Variants in LRRC7 observed in about 807,000 individuals in gnomAD.
LRRC7 encodes leucine rich repeat containing 7.
Under a neutral mutation model 175.7 loss-of-function variants are expected in LRRC7, and 23 were observed. That is an observed-to-expected ratio of 0.13 (90% CI 0.09 to 0.19). LRRC7 has a LOEUF of 0.19. Ranked by LOEUF, LRRC7 falls within the 10% of genes least tolerant of loss-of-function variation. The probability of loss-of-function intolerance (pLI) is 1.00; values close to 1 mark genes in which losing one functional copy is unlikely to be tolerated. For synonymous variants in LRRC7, 685 were observed against 680.9 expected, an observed-to-expected ratio of 1.01 and a Z score of -0.09; for missense variants, 1,354 against 1,904.7, an observed-to-expected ratio of 0.71 and a Z score of 5.38.
chr1:69,782,738 G>T (rs1200662353), intron 3 of LRRC7, among the ~76,000 whole-genome samples: 1 of 151,896 alleles, frequency 6.6e-6, no homozygotes, highest in Non-Finnish European at 1.5e-5. Flanking sequence ...GGAGGAGATG[G>T]ACCTAATCAT....
At chr1:70,092,383 A>G (rs920182864) in intron 25 of LRRC7, among the ~76,000 whole-genome samples, 1 of 152,120 alleles carries the variant, frequency 6.6e-6, no homozygotes, top group African/African-American at 2.4e-5. Flanking sequence ...ACTCTCTTCA[A>G]ATAAATAAGT....
At chr1:69,996,113 G>A (rs1452522646) in intron 11 of LRRC7, among the ~76,000 whole-genome samples, 1 of 151,270 alleles carries the variant, frequency 6.6e-6, no homozygotes, top group Non-Finnish European at 1.5e-5. Flanking sequence ...GTGTGAGATG[G>A]TATCTCATTG....
chr1:69,608,062 T>A (rs1292131456), intron 1 of LRRC7: 1 of 152,822 alleles, frequency 6.5e-6, no homozygotes, highest in Non-Finnish European at 1.5e-5. Context: ...AACGTTCTTT[T>A]CTCATGTTGG....
chr1:69,632,276 C>T (rs1391227509), intron 1 of LRRC7, among the ~76,000 whole-genome samples: 4 of 152,092 alleles, frequency 2.6e-5, no homozygotes, highest in African/African-American at 9.7e-5. Context: ...ATTGTAGCTT[C>T]CACACTAGAC....
At chr1:70,093,423 G>A (rs1664171186) in intron 25 of LRRC7, among the ~76,000 whole-genome samples, 1 of 152,024 alleles carries the variant, frequency 6.6e-6, no homozygotes, top group Non-Finnish European at 1.5e-5. Context: ...ACTTGCCCAA[G>A]GTCATTTAGC....
intron 1 of LRRC7, among the ~76,000 whole-genome samples, chr1:69,591,467 A>G (rs1646631754): frequency 6.6e-6 from 1 of 151,988 alleles, no homozygotes; most frequent in South Asian, 2.1e-4. Context: ...GATACATCAC[A>G]CATACTTTGA....
At chr1:70,113,630 A>G (rs1229810787) in intron 26 of LRRC7, among the ~76,000 whole-genome samples, 1 of 152,158 alleles carries the variant, frequency 6.6e-6, no homozygotes. Flanking sequence ...AAGTAAAAGC[A>G]GATTGTACTT....
At chr1:69,788,385 C>G (rs1448055305) in intron 3 of LRRC7, among the ~76,000 whole-genome samples, 1 of 152,158 alleles carries the variant, frequency 6.6e-6, no homozygotes, top group African/African-American at 2.4e-5. Context: ...CAAAAGATTA[C>G]TCTTTAAATA....
At chr1:70,023,501 C>T in intron 17 of LRRC7, 127 bp downstream of exon 17, 1 of 1,022,120 alleles carries the variant, frequency 9.8e-7, no homozygotes, top group East Asian at 2.9e-5. Context: ...TTCAAATTGC[C>T]AGTGTTTTAT....
At chr1:69,666,274 C>T (rs1026963899) in intron 1 of LRRC7, among the ~76,000 whole-genome samples, 1 of 152,118 alleles carries the variant, frequency 6.6e-6, no homozygotes, top group African/African-American at 2.4e-5. Flanking sequence ...GTGATACTGG[C>T]TGATAGTTTT....
intron 26 of LRRC7, 81 bp from the exon 27 acceptor site, chr1:70,121,699 C>G (rs376013335): frequency 5.0e-5 from 44 of 886,616 alleles, no homozygotes; most frequent in African/African-American, 4.1e-4. Context: ...GCTCAGTGCT[C>G]CCGTGAATTT....
At chr1:70,002,026 T>G (rs1038434146) in intron 11 of LRRC7, among the ~76,000 whole-genome samples, 3 of 152,178 alleles carry the variant, frequency 2.0e-5, no homozygotes, top group African/African-American at 7.2e-5. Flanking sequence ...ATGTGATAGT[T>G]GTAAATATGT....
chr1:69,652,767 C>T (rs1306301162), intron 1 of LRRC7, among the ~76,000 whole-genome samples: 1 of 151,766 alleles, frequency 6.6e-6, no homozygotes, highest in East Asian at 1.9e-4. Flanking sequence ...AGTATTAAAA[C>T]ATTATATTAC....
intron 4 of LRRC7, among the ~76,000 whole-genome samples, chr1:69,819,911 C>A (rs965430721): frequency 6.6e-6 from 1 of 152,026 alleles, no homozygotes; most frequent in East Asian, 1.9e-4. Context: ...TATTTCTATC[C>A]TTCAGCCTAC....
intron 1 of LRRC7, among the ~76,000 whole-genome samples, chr1:69,628,031 C>T (rs1403256065): frequency 6.6e-6 from 1 of 151,940 alleles, no homozygotes; most frequent in Non-Finnish European, 1.5e-5. Flanking sequence ...AAAATTGTTT[C>T]CTTAATACCA....
intron 9 of LRRC7, among the ~76,000 whole-genome samples, chr1:69,985,664 C>T (rs556122935): frequency 6.6e-6 from 1 of 152,272 alleles, no homozygotes; most frequent in South Asian, 2.1e-4. Context: ...CTCCTAGAAA[C>T]CCTACTCAAC....
intron 7 of LRRC7, among the ~76,000 whole-genome samples, chr1:69,930,849 G>C (rs143582250): frequency 6.6e-6 from 1 of 152,150 alleles, no homozygotes; most frequent in East Asian, 1.9e-4. Flanking sequence ...CAGATCTCAT[G>C]AGAATTCTCA....
chr1:69,914,056 AAG>A (rs1570627838), intron 7 of LRRC7, among the ~76,000 whole-genome samples: 1 of 152,310 alleles, frequency 6.6e-6, no homozygotes, highest in East Asian at 1.9e-4. Context: ...AAGTGTCATT[AAG>A]AGAGAGACAT....
chr1:69,814,677 G>C (rs531330438), intron 4 of LRRC7, among the ~76,000 whole-genome samples: 1 of 152,178 alleles, frequency 6.6e-6, no homozygotes, highest in South Asian at 2.1e-4. Context: ...TGTTTGGGTT[G>C]AACTCCTAGG....
Sources: allele counts gnomAD v4.1 joint callset (sites outside exome capture counted in the v4.1 genomes callset), GRCh38; gene constraint gnomAD v4.1.1; transcripts MANE v1.5; gene names NCBI Gene and HGNC (gene_info 2026-07-23, HGNC 2026-07-21).